Variants in KMT2C observed in about 807,000 individuals in gnomAD.
KMT2C encodes lysine methyltransferase 2C, also known as histone-lysine N-methyltransferase 2C.
In KMT2C, 88 loss-of-function variants were observed where a neutral mutation model predicts 507.9. That is an observed-to-expected ratio of 0.17 (90% confidence interval 0.15 to 0.21). KMT2C has a LOEUF of 0.21. Ranked by LOEUF, KMT2C falls within the 10% of genes least tolerant of loss-of-function variation. The pLI is 1.00. For synonymous variants in KMT2C, 2,049 were observed against 2,080.8 expected, an observed-to-expected ratio of 0.98 and a Z score of 0.42; for missense variants, 4,954 against 5,957.8, an observed-to-expected ratio of 0.83 and a Z score of 5.55.
chr7:152,289,010 A>C (rs1457872407), intron 6 of KMT2C, among the ~76,000 whole-genome samples: 1 of 152,312 alleles, frequency 6.6e-6, no homozygotes, highest in Non-Finnish European at 1.5e-5. Context: ...ATGAGACAAA[A>C]CTACACCAAA....
intron 1 of KMT2C, among the ~76,000 whole-genome samples, chr7:152,429,943 C>T (rs185695984): frequency 5.3e-5 from 8 of 151,964 alleles, no homozygotes; most frequent in Admixed American, 1.3e-4. Context: ...TTGGGAGTGC[C>T]GAGGCAGGCA....
In KMT2C at chr7:152,154,066, C is replaced by G; in HGVS notation, c.12220G>C (p.Gly4074Arg). The G allele has an allele frequency of 6.2e-7, 1 of 1,614,024 alleles. No individual in the cohort carries two copies. The highest frequency in any genetic ancestry group is 8.5e-7 in the Non-Finnish European group (1 of 1,179,948). ...FASPFGPSPN[G>R]PRSGLISVAI... ...ACAGATATAAGACCTGATCTGGGACCATTTGGGGAAGGACCAAAAGGTGAC... is the reference window on the plus strand; with the variant it reads ...ACAGATATAAGACCTGATCTGGGACGATTTGGGGAAGGACCAAAAGGTGAC... The change falls in exon 48 of 59, where the codon GGT becomes CGT. Residue 4074 changes from glycine (G) to arginine (R), a missense_variant. This residue lies in a region of KMT2C where 417 missense variants were observed against 461.1 expected (regional missense o/e 0.90). Coordinates refer to ENST00000262189, the MANE Select transcript of KMT2C (RefSeq NM_170606.3).
Position 152,151,465 on chromosome 7 carries a change from T to C in KMT2C, c.12643A>G (p.Lys4215Glu), listed in dbSNP as rs756572043. The C allele has an allele frequency of 6.2e-7, 1 of 1,614,140 alleles. No homozygotes were observed. Among genetic ancestry groups the C allele is most frequent in the East Asian group, 2.2e-5 (1 of 44,884 alleles). Residue 4215 changes from lysine (K) to glutamate (E), a missense_variant, in exon 50 of 59, where the codon AAA becomes GAA. Transcript: ENST00000262189. ...ACCTTGTTCAAAAGGGTCAGATCTT[T>C]GAAAGATTTCCGCACACCACTTCCA... is the stretch of plus-strand genomic sequence containing the variant. ...ILGSGVRKSFKDLTLLNKDSR... is the reference protein window; with the variant it reads ...ILGSGVRKSFEDLTLLNKDSR...
At position 152,349,821 on chromosome 7, in the gene KMT2C, T is replaced by C. The variant is rs115172707; in HGVS notation, c.250+8766A>G. 6.1e-3 allele frequency among the ~76,000 whole-genome samples: 927 copies of C among 152,136 alleles called. 11 individuals carry two copies. Among genetic ancestry groups the C allele is most frequent in the African/African-American group, 0.021 (874 of 41,478 alleles). On this transcript the variant is annotated intron_variant, in intron 2 of 58. Coordinates refer to ENST00000262189, the MANE Select transcript of KMT2C (RefSeq NM_170606.3). ...AATGTGTCAATGTAGGCTTAAAAAA[T>C]TGTGACAAATGTACCACTCTAGTAT...
At chr7:152,244,506 AC>A (rs2129161508) in intron 14 of KMT2C, among the ~76,000 whole-genome samples, 1 of 152,128 alleles carries the variant, frequency 6.6e-6, no homozygotes, top group East Asian at 1.9e-4. Flanking sequence ...ACACAGCAAG[AC>A]CCCCATCTCT....
intron 9 of KMT2C, among the ~76,000 whole-genome samples, chr7:152,256,640 CCTAA>C (rs1165725316): frequency 1.1e-4 from 17 of 152,038 alleles, no homozygotes; most frequent in African/African-American, 4.1e-4. Context: ...AGCTTACATC[CCTAA>C]CTTATAAAGA....
intron 1 of KMT2C, among the ~76,000 whole-genome samples, chr7:152,434,980 T>A (rs1259345342): frequency 1.3e-5 from 2 of 152,118 alleles, no homozygotes; most frequent in African/African-American, 4.8e-5. Context: ...ACAGGACTTG[T>A]GCTTTCGGAG....
In KMT2C at chr7:152,150,632, G is replaced by A. The variant is rs1023996793; in HGVS notation, c.12774+268C>T. ...TCCATCTCAAAAAAAAATTAAACTG[G>A]TAAAATTAAAGATTTTAATATTAGT... On this transcript the variant is annotated intron_variant, in intron 51 of 58. Coordinates refer to ENST00000262189, the MANE Select transcript of KMT2C (RefSeq NM_170606.3). Among the ~76,000 whole-genome samples, 11 of 152,018 alleles carry A rather than the reference G, an allele frequency of 7.2e-5. 1 individual carries two copies. Among genetic ancestry groups the A allele is most frequent in the Non-Finnish European group, 1.0e-4 (7 of 67,986 alleles).
In KMT2C at chr7:152,174,132, T is replaced by C. The variant is rs2093090686; in HGVS notation, c.9373A>G (p.Arg3125Gly). Residue 3125 changes from arginine (R) to glycine (G), a missense_variant and splice_region_variant, in exon 39 of 59, where the codon AGG becomes GGG. Physicochemically the swap from Arg to Gly is moderately radical, Grantham distance 125. This residue lies in a region of KMT2C where 1,689 missense variants were observed against 1,654.3 expected (regional missense o/e 1.02). Transcript: ENST00000262189. ...NLGMPPMVMS[R>G]FPFMGQVVTG... is the part of the protein sequence containing the mutation. ...GAAACAAGCAGCCACTCCACCTACC[T>C]GCTCATCACCATTGGTGGCATGCCC... The C allele has an allele frequency of 6.4e-7, 1 of 1,560,174 alleles. No individual in the cohort carries two copies. The highest frequency in any genetic ancestry group is 8.8e-7 in the Non-Finnish European group (1 of 1,139,608).
chr7:152,335,905 A>G (rs997476373), intron 2 of KMT2C, among the ~76,000 whole-genome samples: 1 of 149,632 alleles, frequency 6.7e-6, no homozygotes, highest in African/African-American at 2.4e-5. Context: ...TTCAGACTAT[A>G]GGGTTTTTTT....
chr7:152,292,522 T>C (rs1260097267), intron 6 of KMT2C, among the ~76,000 whole-genome samples: 1 of 152,218 alleles, frequency 6.6e-6, no homozygotes, highest in Admixed American at 6.5e-5. Context: ...TAAACACTCA[T>C]ACCTGAATGT....
intron 7 of KMT2C, among the ~76,000 whole-genome samples, chr7:152,273,472 A>T (rs1355184847): frequency 1.3e-5 from 2 of 152,198 alleles, no homozygotes; most frequent in Admixed American, 1.3e-4. Context: ...AATAAAAACC[A>T]TGCAAACTTT....
intron 53 of KMT2C, 51 bp from the exon 54 acceptor site, chr7:152,145,346 A>T: frequency 6.3e-7 from 1 of 1,582,444 alleles, no homozygotes; most frequent in East Asian, 2.2e-5. Context: ...TGGAGACTAC[A>T]GACAATCTCA....
chr7:152,249,673 C>CAAAAAAAAAAAAAAAAAAAA (rs1183345172), intron 13 of KMT2C, among the ~76,000 whole-genome samples: 2 of 34,516 alleles, frequency 5.8e-5, no homozygotes, highest in Admixed American at 4.4e-4. Context: ...CTCCCCCCTC[C>CAAAAAAAAAAAAAAAAAAAA]AAAAAAAAAA....
At chr7:152,187,179 C>G (rs2093653339) in intron 33 of KMT2C, 83 bp downstream of exon 33, 1 of 1,087,326 alleles carries the variant, frequency 9.2e-7, no homozygotes, top group Non-Finnish European at 1.4e-6. Flanking sequence ...AGTTAAGCTA[C>G]CTTTCTATTG....
intron 2 of KMT2C, among the ~76,000 whole-genome samples, chr7:152,348,425 C>T (rs1329834227): frequency 6.6e-6 from 1 of 151,164 alleles, no homozygotes; most frequent in Non-Finnish European, 1.5e-5. Context: ...GGTGAAACCC[C>T]GTATCTTCTA....
chr7:152,424,202 C>T (rs1285992095), intron 1 of KMT2C, among the ~76,000 whole-genome samples: 1 of 152,094 alleles, frequency 6.6e-6, no homozygotes, highest in Admixed American at 6.6e-5. Context: ...CAGCCTCCAA[C>T]TCCTCTGCTC....
chr7:152,162,243 T>C lies in KMT2C; in HGVS notation c.11334A>G (p.Lys3778=), dbSNP rs370243339. ...ATGACTTTTTATTTTTCAACAAGTG[T>C]TTCAGAAGTTCATTCCCTGAGTCTC... is the stretch of plus-strand genomic sequence containing the variant. ...AKGDSGNELL[K]HLLKNKKSSS... The change falls in exon 43 of 59, where the codon AAA becomes AAG. Residue 3778 remains lysine, a synonymous_variant. Transcript: ENST00000262189. 36 of 1,614,070 alleles carry C rather than the reference T, an allele frequency of 2.2e-5. No individual in the cohort carries two copies. The African/African-American group carries it at 4.7e-4, about 21-fold the overall frequency.
intron 6 of KMT2C, among the ~76,000 whole-genome samples, chr7:152,290,167 T>G (rs1324340007): frequency 6.7e-6 from 1 of 149,472 alleles, no homozygotes; most frequent in African/African-American, 2.5e-5. Context: ...AAATCATATA[T>G]GGGTAAAAGA....
Sources: gnomAD v4.1 joint callset for allele counts (sites outside exome capture counted in the v4.1 genomes callset) on GRCh38, gnomAD v4.1.1 for gene constraint, gnomAD v4.1.1 regional missense constraint, MANE v1.5 for transcripts, NCBI Gene and HGNC (gene_info 2026-07-23, HGNC 2026-07-21) for gene names.